The following ABCA13 variants were observed in gnomAD, a reference collection of about 807,000 sequenced individuals.
ABCA13 encodes the protein ATP binding cassette subfamily A member 13.
A neutral mutation model predicts 478.7 loss-of-function variants in ABCA13; 476 were observed. The ratio of observed to expected loss-of-function variants is 0.99; its 90% CI spans 0.92 to 1.07. ABCA13 has a LOEUF of 1.07. ABCA13 is among the 50% of genes least tolerant of loss of function. The pLI is 0.00. For synonymous variants in ABCA13, 2,252 were observed against 2,158.9 expected (o/e 1.04, Z -1.20); for missense variants, 6,060 against 5,910.6 (o/e 1.03, Z -0.83).
intron 8 of ABCA13, among the ~76,000 whole-genome samples, chr7:48,234,885 G>T (rs1789713403): frequency 6.6e-6 from 1 of 152,178 alleles, no homozygotes; most frequent in Admixed American, 6.5e-5. Flanking sequence ...GTTTGGAGAG[G>T]ACCCACTCTC....
chr7:48,183,596 A>G (rs1795988447), intron 1 of ABCA13, among the ~76,000 whole-genome samples: 1 of 152,166 alleles, frequency 6.6e-6, no homozygotes, highest in African/African-American at 2.4e-5. Context: ...AGCCTCATTC[A>G]GGGATTGTGT....
chr7:48,334,752 G>C (rs1418602252), intron 27 of ABCA13, among the ~76,000 whole-genome samples: 2 of 152,202 alleles, frequency 1.3e-5, no homozygotes, highest in African/African-American at 4.8e-5. Context: ...ACCCTAGGGA[G>C]ATGTGGTTAG....
chr7:48,444,637 T>G (rs1332700484), intron 42 of ABCA13, among the ~76,000 whole-genome samples: 4 of 152,142 alleles, frequency 2.6e-5, no homozygotes, highest in Admixed American at 2.6e-4. Context: ...TTTATTCTTC[T>G]GAGGGGTCAT....
rs1795495548 is a variant in ABCA13, at chr7:48,647,483, T to C, written c.*1971T>C. On this transcript the variant is annotated 3_prime_UTR_variant, in exon 62 of 62. Transcript: ENST00000435803. The stretch of plus-strand genomic sequence containing the variant: ...ACTGCAGTGAATAAATGAGATGTGC[T>C]TTAATTTAACCCGATTTTTGGAATG... 6.6e-6 allele frequency: 1 copy of C among 152,244 alleles called. No homozygotes were observed. The highest frequency in any genetic ancestry group is 2.4e-5 in the African/African-American group (1 of 41,464). 9.4% of individuals were successfully genotyped at this position (152,244 alleles called of 1,614,324 possible). A position where few individuals can be genotyped will look rare whatever the true frequency, so the allele number is the denominator to read the frequency against.
chr7:48,585,869 T>C (rs962418844), intron 56 of ABCA13, among the ~76,000 whole-genome samples: 1 of 152,110 alleles, frequency 6.6e-6, no homozygotes, highest in East Asian at 1.9e-4. Context: ...TAAATTATGC[T>C]AAGTTGGAAA....
In ABCA13 at chr7:48,375,287, T is replaced by C. The variant is rs575839627; in HGVS notation, c.11203+871T>C. 6.6e-5 allele frequency among the ~76,000 whole-genome samples: 10 copies of C among 152,314 alleles called. No individual in the cohort carries two copies. The East Asian group carries it at 1.2e-3, about 18-fold the overall frequency. On this transcript the variant is annotated intron_variant, in intron 34 of 61. Transcript: ENST00000435803. The stretch of plus-strand genomic sequence containing the variant: ...AAAGGTTAGTGACCACTGTGTTAGA[T>C]GATTGTTGACCTGGGATCTGTCTTC...
At chr7:48,388,551 G>A (rs1232163422) in intron 36 of ABCA13, among the ~76,000 whole-genome samples, 1 of 152,198 alleles carries the variant, frequency 6.6e-6, no homozygotes, top group Non-Finnish European at 1.5e-5. Context: ...TGGAAATAGA[G>A]ATGCATCACT....
intron 38 of ABCA13, among the ~76,000 whole-genome samples, chr7:48,399,416 A>T (rs1053045499): frequency 1.3e-5 from 2 of 152,178 alleles, no homozygotes; most frequent in Non-Finnish European, 2.9e-5. Flanking sequence ...CTCACTTACA[A>T]TAGAAGGACC....
At chr7:48,393,672 G>C (rs1372407319) in intron 38 of ABCA13, among the ~76,000 whole-genome samples, 1 of 152,128 alleles carries the variant, frequency 6.6e-6, no homozygotes, top group African/African-American at 2.4e-5. Flanking sequence ...CATGATGGTG[G>C]AGCTCTACCT....
At chr7:48,610,704 C>G (rs1791943748) in intron 58 of ABCA13, among the ~76,000 whole-genome samples, 1 of 152,236 alleles carries the variant, frequency 6.6e-6, no homozygotes. Context: ...AGCCTCAACT[C>G]TTGCCCTCTG....
intron 55 of ABCA13, among the ~76,000 whole-genome samples, chr7:48,554,707 T>C (rs1785616477): frequency 6.6e-6 from 1 of 151,730 alleles, no homozygotes; most frequent in African/African-American, 2.4e-5. Context: ...TTATCAGTTC[T>C]AGTAGTTTTT....
At chr7:48,277,410 G>T (rs914537224) in intron 17 of ABCA13, among the ~76,000 whole-genome samples, 5 of 152,172 alleles carry the variant, frequency 3.3e-5, no homozygotes, top group Admixed American at 6.5e-5. Flanking sequence ...GAGTTTTCCT[G>T]GCCCACTCAG....
intron 38 of ABCA13, among the ~76,000 whole-genome samples, chr7:48,394,333 G>T (rs1585136265): frequency 6.6e-6 from 1 of 152,232 alleles, no homozygotes; most frequent in East Asian, 1.9e-4. Context: ...TGCTGCGCTG[G>T]TCTTATGGTG....
intron 42 of ABCA13, among the ~76,000 whole-genome samples, chr7:48,429,299 G>A (rs1277435565): frequency 6.6e-6 from 1 of 152,112 alleles, no homozygotes; most frequent in African/African-American, 2.4e-5. Context: ...TGTATACCTA[G>A]GAGTGAAATT....
chr7:48,375,592 A>G (rs1027974479), intron 34 of ABCA13, among the ~76,000 whole-genome samples: 1 of 152,102 alleles, frequency 6.6e-6, no homozygotes, highest in Admixed American at 6.5e-5. Flanking sequence ...CATATATTTC[A>G]TAGATATTTG....
At position 48,377,589 on chromosome 7, in the gene ABCA13, A is replaced by G. The variant is rs1006698779; in HGVS notation, c.11335+1017A>G. Among the ~76,000 whole-genome samples, 42 of 152,328 alleles carry G rather than the reference A, an allele frequency of 2.8e-4. 1 individual carries two copies. Among genetic ancestry groups the G allele is most frequent in the African/African-American group, 8.9e-4 (37 of 41,580 alleles). ...GGTAAACATAAAAATAATATGGGCC[A>G]CTGAAAAGATCATTTTACACAAAAG... is the stretch of plus-strand genomic sequence containing the variant. On this transcript the variant is annotated intron_variant, in intron 35 of 61. Coordinates refer to ENST00000435803, the MANE Select transcript of ABCA13 (RefSeq NM_152701.5).
At chr7:48,285,091 T>G (rs538499202) in intron 19 of ABCA13, among the ~76,000 whole-genome samples, 1 of 152,312 alleles carries the variant, frequency 6.6e-6, no homozygotes, top group South Asian at 2.1e-4. Context: ...GGAGCCTCAG[T>G]GGGCAGCTAC....
At chr7:48,190,622 C>A (rs542811786) in intron 1 of ABCA13, among the ~76,000 whole-genome samples, 1 of 152,064 alleles carries the variant, frequency 6.6e-6, no homozygotes, top group Non-Finnish European at 1.5e-5. Flanking sequence ...AGAAAAACAA[C>A]CTCATGATAT....
intron 19 of ABCA13, among the ~76,000 whole-genome samples, chr7:48,286,281 T>C (rs930636991): frequency 1.3e-5 from 2 of 152,130 alleles, no homozygotes; most frequent in African/African-American, 2.4e-5. Flanking sequence ...TGTTACAGTA[T>C]CACACACAGG....
Sources: allele counts gnomAD v4.1 joint callset (sites outside exome capture counted in the v4.1 genomes callset), GRCh38; gene constraint gnomAD v4.1.1; transcripts MANE v1.5; gene names NCBI Gene and HGNC (gene_info 2026-07-23, HGNC 2026-07-21).